The following NRG1 variants were observed in gnomAD, a reference collection of about 807,000 sequenced individuals.
NRG1 encodes pro-neuregulin-1, membrane-bound isoform.
In NRG1, 18 loss-of-function variants were observed where a neutral mutation model predicts 63.8. That is an observed-to-expected ratio of 0.28 (90% CI 0.19 to 0.42). NRG1 has a LOEUF of 0.42. NRG1 is among the 10% of genes least tolerant of loss of function. NRG1 has a pLI of 1.00. For missense variants in NRG1, 762 were observed against 814.7 expected, an observed-to-expected ratio of 0.94 and a Z score of 0.79; for synonymous variants, 302 against 301.3, an observed-to-expected ratio of 1.00 and a Z score of -0.02.
rs1589005449 is a variant in NRG1, at chr8:32,654,117, C to T, written c.502+37232C>T. Among the ~76,000 whole-genome samples the T allele has an allele frequency of 2.0e-5, 3 of 152,208 alleles. No homozygotes were observed. The East Asian group carries it at 5.8e-4, about 29-fold the overall frequency. On this transcript the variant is annotated intron_variant, in intron 5 of 11. Transcript: ENST00000356819. ...AGGTCTGGAAAAGTGAAGTGACTTGCCCAGTGTCACTACAACCAATCAGTA... is the reference window on the plus strand; with the variant it reads ...AGGTCTGGAAAAGTGAAGTGACTTGTCCAGTGTCACTACAACCAATCAGTA...
At chr8:32,157,359 A>C (rs1488548002) in intron 1 of NRG1, among the ~76,000 whole-genome samples, 6 of 63,936 alleles carry the variant, frequency 9.4e-5, no homozygotes, top group African/African-American at 1.6e-4. Flanking sequence ...ACTCTGTCTC[A>C]AAAAAAAAAA....
intron 1 of NRG1, among the ~76,000 whole-genome samples, chr8:32,076,173 G>C (rs560602625): frequency 2.1e-4 from 32 of 152,226 alleles, no homozygotes; most frequent in Non-Finnish European, 4.0e-4. Flanking sequence ...CACCCAGAGT[G>C]GTGTGGTTTG....
In NRG1 at chr8:31,792,305, T is replaced by C. The variant is rs369100796; in HGVS notation, c.37+152874T>C. ...AACTAAATGAATGCCTATTTATTCC[T>C]GGAAGTAAATTTTGTTATTTTCTAG... On this transcript the variant is annotated intron_variant, in intron 1 of 10. Transcript: ENST00000519301. Among the ~76,000 whole-genome samples the C allele has an allele frequency of 4.3e-4, 65 of 152,356 alleles. No individual in the cohort carries two copies. The South Asian group carries it at 0.013, about 31-fold the overall frequency.
chr8:32,736,318 T>C (rs1297944831), intron 6 of NRG1, among the ~76,000 whole-genome samples: 2 of 152,148 alleles, frequency 1.3e-5, no homozygotes, highest in Non-Finnish European at 2.9e-5. Context: ...ACAACACAGA[T>C]ACTCAGCCAG....
intron 1 of NRG1, among the ~76,000 whole-genome samples, chr8:31,887,149 G>A (rs1426174133): frequency 1.3e-5 from 2 of 151,990 alleles, no homozygotes; most frequent in East Asian, 3.9e-4. Flanking sequence ...GTTTTGTCCT[G>A]TTTCCTGTTA....
At chr8:31,747,065 A>G (rs1815951658) in intron 1 of NRG1, among the ~76,000 whole-genome samples, 1 of 151,834 alleles carries the variant, frequency 6.6e-6, no homozygotes, top group African/African-American at 2.4e-5. Context: ...TAGGTACAAA[A>G]AGGTAGTTAG....
intron 1 of NRG1, among the ~76,000 whole-genome samples, chr8:31,686,759 G>GTTGTTTTTGTTT (rs142383228): frequency 2.0e-5 from 3 of 151,468 alleles, no homozygotes; most frequent in African/African-American, 7.3e-5. Flanking sequence ...GGTCTTTTTT[G>GTTGTTTTTGTTT]TTGTTTTTGT....
chr8:32,124,938 C>T (rs936560250), intron 1 of NRG1, among the ~76,000 whole-genome samples: 4 of 151,820 alleles, frequency 2.6e-5, no homozygotes, highest in Admixed American at 2.6e-4. Flanking sequence ...TGAATATGCC[C>T]CCTCCAAAAT....
At chr8:31,884,940 G>A (rs2129613183) in intron 1 of NRG1, among the ~76,000 whole-genome samples, 1 of 152,264 alleles carries the variant, frequency 6.6e-6, no homozygotes, top group South Asian at 2.1e-4. Flanking sequence ...TGATTTTAGA[G>A]TAACTATGGC....
At chr8:32,459,668 T>C (rs1219090888) in intron 1 of NRG1, among the ~76,000 whole-genome samples, 1 of 152,040 alleles carries the variant, frequency 6.6e-6, no homozygotes, top group Non-Finnish European at 1.5e-5. Context: ...TTAAACTCTC[T>C]ATTGGCTTTT....
intron 1 of NRG1, among the ~76,000 whole-genome samples, chr8:32,177,494 T>C (rs1181515232): frequency 6.6e-6 from 1 of 151,956 alleles, no homozygotes; most frequent in Non-Finnish European, 1.5e-5. Flanking sequence ...AATTAAAATA[T>C]AAAAGACCTG....
intron 1 of NRG1, among the ~76,000 whole-genome samples, chr8:32,060,290 A>G (rs148238546): frequency 0.014 from 2,187 of 151,604 alleles, 27 homozygotes; most frequent in Non-Finnish European, 0.022. Context: ...TTTTTTATCT[A>G]ATAGAACTAT....
intron 1 of NRG1, among the ~76,000 whole-genome samples, chr8:31,791,748 G>T (rs758813396): frequency 6.6e-6 from 1 of 152,090 alleles, no homozygotes; most frequent in African/African-American, 2.4e-5. Flanking sequence ...ATGGCTGCCC[G>T]GGCAGTGTCA....
At chr8:32,171,695 T>C (rs1308720025) in intron 1 of NRG1, among the ~76,000 whole-genome samples, 5 of 152,062 alleles carry the variant, frequency 3.3e-5, no homozygotes, top group African/African-American at 1.2e-4. Flanking sequence ...CACCAGGAGA[T>C]TATATCCCAC....
chr8:31,940,974 A>G (rs534474234), intron 1 of NRG1, among the ~76,000 whole-genome samples: 2 of 152,186 alleles, frequency 1.3e-5, no homozygotes, highest in Non-Finnish European at 2.9e-5. Flanking sequence ...TCAGACATTC[A>G]AAGAAGAATT....
At chr8:32,237,964 GA>G (rs1445943441) in intron 1 of NRG1, among the ~76,000 whole-genome samples, 2 of 151,968 alleles carry the variant, frequency 1.3e-5, no homozygotes, top group East Asian at 1.9e-4. Flanking sequence ...AATATCCATG[GA>G]AAAAATAAAC....
intron 1 of NRG1, among the ~76,000 whole-genome samples, chr8:32,307,644 G>C (rs1284413045): frequency 6.6e-6 from 1 of 151,148 alleles, no homozygotes; most frequent in Non-Finnish European, 1.5e-5. Flanking sequence ...TGTTTAACCT[G>C]TGAGATAAGA....
At chr8:31,989,570 C>G (rs1810709529) in intron 1 of NRG1, among the ~76,000 whole-genome samples, 1 of 152,088 alleles carries the variant, frequency 6.6e-6, no homozygotes, top group Non-Finnish European at 1.5e-5. Context: ...GCCTTGCATA[C>G]AGTCCTCTTG....
intron 1 of NRG1, among the ~76,000 whole-genome samples, chr8:32,486,627 A>ATTTTTTTTT (rs1554557143): frequency 6.9e-6 from 1 of 145,516 alleles, no homozygotes; most frequent in African/African-American, 2.6e-5. Flanking sequence ...GAATTGCTGG[A>ATTTTTTTTT]TTTTTTTTTT....
Sources: gnomAD v4.1 joint callset for allele counts (sites outside exome capture counted in the v4.1 genomes callset) on GRCh38, gnomAD v4.1.1 for gene constraint, MANE v1.5 for transcripts, NCBI Gene and HGNC (gene_info 2026-07-23, HGNC 2026-07-21) for gene names.